Variants in USH2A observed in about 807,000 individuals in gnomAD.
USH2A encodes Usher syndrome 2A (autosomal recessive, mild).
In USH2A, 443 loss-of-function variants were observed where a neutral mutation model predicts 538.9. The observed-to-expected ratio is 0.82, with a 90% confidence interval of 0.76 to 0.89. USH2A has a LOEUF of 0.89. USH2A is among the 40% of genes least tolerant of loss of function. USH2A has a pLI of 0.00. For missense variants in USH2A, 6,633 were observed against 6,324.8 expected, an observed-to-expected ratio of 1.05 and a Z score of -1.65; for synonymous variants, 2,413 against 2,273.5, an observed-to-expected ratio of 1.06 and a Z score of -1.75.
intron 21 of USH2A, among the ~76,000 whole-genome samples, chr1:216,100,334 C>T (rs2032547643): frequency 1.3e-5 from 2 of 152,062 alleles, no homozygotes; most frequent in East Asian, 1.9e-4. Context: ...CAGGGTAGAC[C>T]AGGGAGATAA....
At chr1:216,237,013 G>A (rs1440975860) in intron 13 of USH2A, among the ~76,000 whole-genome samples, 5 of 152,190 alleles carry the variant, frequency 3.3e-5, no homozygotes, top group African/African-American at 9.6e-5. Flanking sequence ...ATTAATATAT[G>A]TATGTGTATG....
intron 9 of USH2A, among the ~76,000 whole-genome samples, chr1:216,317,769 C>T (rs144241888): frequency 1.4e-4 from 21 of 152,116 alleles, no homozygotes; most frequent in Middle Eastern, 3.4e-3. Flanking sequence ...AGAAGAATTG[C>T]TTGAAGCTGA....
At chr1:215,856,643 C>G (rs1480734707) in intron 44 of USH2A, among the ~76,000 whole-genome samples, 1 of 152,078 alleles carries the variant, frequency 6.6e-6, no homozygotes, top group Non-Finnish European at 1.5e-5. Flanking sequence ...TGTGGAGATT[C>G]CTTAAAGAAC....
chr1:215,809,196 G>T (rs1161686885), intron 49 of USH2A, among the ~76,000 whole-genome samples: 1 of 152,094 alleles, frequency 6.6e-6, no homozygotes, highest in Non-Finnish European at 1.5e-5. Context: ...TGTCTTCACA[G>T]TCAAAGAACA....
intron 43 of USH2A, among the ~76,000 whole-genome samples, chr1:215,873,976 C>A (rs1480754250): frequency 2.0e-5 from 3 of 152,010 alleles, no homozygotes; most frequent in Non-Finnish European, 2.9e-5. Context: ...ATAACTTGTT[C>A]TTCTTTAAAT....
chr1:216,289,446 A>C (rs2036956264), intron 10 of USH2A, 36 bp from the exon 11 acceptor site: 1 of 1,613,024 alleles, frequency 6.2e-7, no homozygotes, highest in African/African-American at 1.3e-5. Context: ...ATGACTTCTA[A>C]TTCATTAAAA....
At chr1:215,884,224 TTAAAG>T (rs1180494424) in intron 41 of USH2A, among the ~76,000 whole-genome samples, 11 of 152,182 alleles carry the variant, frequency 7.2e-5, no homozygotes, top group Non-Finnish European at 1.5e-4. Flanking sequence ...ATCCCAGAAC[TTAAAG>T]TAAAATAAAA....
intron 4 of USH2A, among the ~76,000 whole-genome samples, chr1:216,329,670 C>A (rs912113120): frequency 2.6e-5 from 4 of 152,008 alleles, no homozygotes; most frequent in Admixed American, 1.3e-4. Context: ...GCTCTCTCAG[C>A]CCTAAGGTTC....
chr1:215,782,067 A>G lies in USH2A; in HGVS notation c.10715T>C (p.Val3572Ala). The part of the protein sequence containing the change: ...EYSYQLKACT[V>A]AGCATSSKVV... ...CTTGCTACTGGTGGCACAGCCAGCA[A>G]CCGTGCAAGCTTTCAGCTGATATGA... is the stretch of plus-strand genomic sequence containing the variant. The change falls in exon 54 of 72, where the codon GTT becomes GCT. Residue 3572 changes from valine (V) to alanine (A), a missense_variant. Transcript: ENST00000307340. The G allele has an allele frequency of 6.2e-7, 1 of 1,614,034 alleles. No homozygotes were observed. Among genetic ancestry groups the G allele is most frequent in the Middle Eastern group, 1.6e-4 (1 of 6,062 alleles).
At chr1:215,819,015 G>T (rs1413258983) in intron 47 of USH2A, among the ~76,000 whole-genome samples, 2 of 151,698 alleles carry the variant, frequency 1.3e-5, no homozygotes, top group African/African-American at 2.4e-5. Flanking sequence ...GTGAAGCTCT[G>T]ACATTCAAGA....
At chr1:215,628,564 T>G (rs916547856) in intron 71 of USH2A, among the ~76,000 whole-genome samples, 1 of 152,232 alleles carries the variant, frequency 6.6e-6, no homozygotes, top group Non-Finnish European at 1.5e-5. Flanking sequence ...ATTACAGGCA[T>G]GAGCCACCAC....
chr1:216,264,135 G>A (rs2036426369), intron 11 of USH2A, among the ~76,000 whole-genome samples: 1 of 152,096 alleles, frequency 6.6e-6, no homozygotes, highest in Non-Finnish European at 1.5e-5. Flanking sequence ...GGCATCCCAT[G>A]ATCATGGATT....
chr1:216,212,408 A>G (rs932646516), intron 15 of USH2A, among the ~76,000 whole-genome samples: 3 of 152,196 alleles, frequency 2.0e-5, no homozygotes, highest in African/African-American at 7.2e-5. Flanking sequence ...TGCTTGAAGT[A>G]GAATTCCTAA....
At chr1:215,936,409 G>C (rs1666498457) in intron 37 of USH2A, among the ~76,000 whole-genome samples, 1 of 152,004 alleles carries the variant, frequency 6.6e-6, no homozygotes, top group Non-Finnish European at 1.5e-5. Context: ...CAAAAGTCCT[G>C]CATTTGAACT....
intron 21 of USH2A, among the ~76,000 whole-genome samples, chr1:216,161,172 T>C (rs188556358): frequency 2.0e-5 from 3 of 152,274 alleles, no homozygotes; most frequent in East Asian, 1.9e-4. Context: ...GTAGACTATT[T>C]AGATTTAATG....
At chr1:215,895,602 G>A (rs1364931774) in intron 40 of USH2A, among the ~76,000 whole-genome samples, 2 of 152,180 alleles carry the variant, frequency 1.3e-5, no homozygotes, top group Non-Finnish European at 2.9e-5. Context: ...GATGGATGAA[G>A]GTTGCTGAGG....
intron 51 of USH2A, among the ~76,000 whole-genome samples, chr1:215,788,764 T>A (rs1229742353): frequency 6.6e-6 from 1 of 152,152 alleles, no homozygotes; most frequent in Admixed American, 6.6e-5. Context: ...GTAGACATAA[T>A]TTTTAACCTG....
At chr1:215,843,392 T>G (rs1663744743) in intron 46 of USH2A, among the ~76,000 whole-genome samples, 1 of 152,180 alleles carries the variant, frequency 6.6e-6, no homozygotes, top group Admixed American at 6.5e-5. Context: ...TGTTATCTTT[T>G]ATGGCTTGGT....
Position 215,627,421 on chromosome 1 carries a change from C to CTTCTTTCCTTCCTTCT in USH2A, c.15519+1392_15519+1393insAGAAGGAAGGAAAGAA, listed in dbSNP as rs1558027312. 7.9e-4 allele frequency among the ~76,000 whole-genome samples: 92 copies of CTTCTTTCCTTCCTTCT among 116,632 alleles called. 1 individual carries two copies. The highest frequency in any genetic ancestry group is 3.0e-3 in the African/African-American group (85 of 28,352). The allele number at this position is 116,632 out of a possible 152,430, so 76.5% of individuals were successfully genotyped here. ...CCTTCCTTCCTTCCTTCCTTCCTTC[C>CTTCTTTCCTTCCTTCT]TTCCTTCCTTCCTTCCTTCCTTCCT... On this transcript the variant is annotated intron_variant, in intron 71 of 71. Coordinates refer to ENST00000307340, the MANE Select transcript of USH2A (RefSeq NM_206933.4).
Sources: gnomAD v4.1 joint callset for allele counts (sites outside exome capture counted in the v4.1 genomes callset) on GRCh38, gnomAD v4.1.1 for gene constraint, MANE v1.5 for transcripts, NCBI Gene and HGNC (gene_info 2026-07-23, HGNC 2026-07-21) for gene names.